Variants in ZC3H4 observed in about 807,000 individuals in gnomAD.
ZC3H4 encodes zinc finger CCCH domain-containing protein 4.
Under a neutral mutation model 108.3 loss-of-function variants are expected in ZC3H4, and 13 were observed. The observed-to-expected ratio is 0.12, with a 90% CI of 0.08 to 0.19. The LOEUF is 0.19. ZC3H4 is among the 10% of genes least tolerant of loss of function. The probability of loss-of-function intolerance (pLI) is 1.00; values close to 1 mark genes in which losing one functional copy is unlikely to be tolerated. For synonymous variants in ZC3H4, 917 were observed against 749.6 expected (o/e 1.22, Z -3.65); for missense variants, 1,734 against 1,838.8 (o/e 0.94, Z 1.04).
chr19:47,093,551 C>T (rs2057772811), intron 4 of ZC3H4, among the ~76,000 whole-genome samples: 1 of 152,108 alleles, frequency 6.6e-6, no homozygotes, highest in South Asian at 2.1e-4. Flanking sequence ...GGTTCAAATC[C>T]CAGCTCCTTT....
At chr19:47,112,834 CGA>C (rs2058058221) in intron 1 of ZC3H4, among the ~76,000 whole-genome samples, 1 of 150,410 alleles carries the variant, frequency 6.6e-6, no homozygotes, top group South Asian at 2.1e-4. Flanking sequence ...CTCATAGGGG[CGA>C]GAGCCCCCCC....
intron 4 of ZC3H4, among the ~76,000 whole-genome samples, chr19:47,091,710 A>AC (rs780824654): frequency 2.1e-4 from 31 of 150,432 alleles, no homozygotes; most frequent in Admixed American, 4.7e-4. Flanking sequence ...ACATAGTGAA[A>AC]CCCCGTCTCT....
intron 2 of ZC3H4, among the ~76,000 whole-genome samples, chr19:47,107,378 T>C (rs978080914): frequency 6.6e-6 from 1 of 152,142 alleles, no homozygotes; most frequent in Non-Finnish European, 1.5e-5. Flanking sequence ...CCCTGAGAAG[T>C]GGGCATTTTA....
At chr19:47,075,595 CCCA>C (rs1463959626) in intron 11 of ZC3H4, among the ~76,000 whole-genome samples, 2 of 151,994 alleles carry the variant, frequency 1.3e-5, no homozygotes, top group South Asian at 2.1e-4. Flanking sequence ...CGGCCTGATC[CCCA>C]CGTGTGTGTG....
intron 2 of ZC3H4, among the ~76,000 whole-genome samples, chr19:47,098,035 C>T (rs934833313): frequency 2.0e-5 from 3 of 152,200 alleles, no homozygotes; most frequent in Non-Finnish European, 2.9e-5. Flanking sequence ...CCGTACCTCC[C>T]GGACAAAGCT....
At chr19:47,081,771 G>C (rs1035077652) in intron 10 of ZC3H4, 149 bp from the exon 11 acceptor site, 4 of 702,404 alleles carry the variant, frequency 5.7e-6, no homozygotes, top group Admixed American at 4.9e-5. Flanking sequence ...CTGCTCAGTG[G>C]GTTGGCAGGA....
chr19:47,094,297 C>T (rs2057786125), intron 3 of ZC3H4, 92 bp downstream of exon 3: 11 of 1,393,218 alleles, frequency 7.9e-6, no homozygotes, highest in Admixed American at 1.8e-5. Flanking sequence ...ATTAAGAGTG[C>T]CCTCTGGGGT....
In ZC3H4 at chr19:47,086,246, T is replaced by G. The variant is rs2057619466; in HGVS notation, c.870+138A>C. 3 of 946,766 alleles carry G rather than the reference T, an allele frequency of 3.2e-6. No homozygotes were observed. The Admixed American group carries it at 7.2e-5, about 23-fold the overall frequency. 58.6% of individuals were successfully genotyped at this position (946,766 alleles called of 1,614,324 possible). On this transcript the variant is annotated intron_variant, in intron 6 of 14. Coordinates refer to ENST00000253048, the MANE Select transcript of ZC3H4 (RefSeq NM_015168.2). Reference sequence around the variant, plus strand: ...ATGAATATTTTTAAACACATACATCTGCGCTCTGAGGCTTCCCTTCCTTCA... The same window carrying G: ...ATGAATATTTTTAAACACATACATCGGCGCTCTGAGGCTTCCCTTCCTTCA...
At chr19:47,095,192 C>T (rs1600090875) in intron 2 of ZC3H4, among the ~76,000 whole-genome samples, 1 of 152,184 alleles carries the variant, frequency 6.6e-6, no homozygotes, top group African/African-American at 2.4e-5. Flanking sequence ...GGCTGTGCAC[C>T]GTGGAGAGGG....
At chr19:47,111,802 G>A (rs1412178702) in intron 2 of ZC3H4, among the ~76,000 whole-genome samples, 1 of 151,798 alleles carries the variant, frequency 6.6e-6, no homozygotes, top group Middle Eastern at 3.2e-3. Flanking sequence ...GGATGGAGAA[G>A]GGACCTGAAT....
At chr19:47,076,076 G>A (rs1337263151) in intron 11 of ZC3H4, among the ~76,000 whole-genome samples, 3 of 152,228 alleles carry the variant, frequency 2.0e-5, no homozygotes, top group African/African-American at 7.2e-5. Context: ...GAGGCATGTG[G>A]GCTGAGCCCC....
At chr19:47,103,467 C>T (rs561460510) in intron 2 of ZC3H4, among the ~76,000 whole-genome samples, 1 of 152,078 alleles carries the variant, frequency 6.6e-6, no homozygotes. Flanking sequence ...CCATGCCCAG[C>T]TAATTTTTGT....
At chr19:47,093,142 G>A (rs1318584159) in intron 4 of ZC3H4, among the ~76,000 whole-genome samples, 3 of 148,700 alleles carry the variant, frequency 2.0e-5, no homozygotes, top group Non-Finnish European at 4.4e-5. Flanking sequence ...TGCGACCCCA[G>A]GAGACAGAGC....
chr19:47,109,730 G>T (rs1308354389), intron 2 of ZC3H4, among the ~76,000 whole-genome samples: 1 of 152,126 alleles, frequency 6.6e-6, no homozygotes, highest in Non-Finnish European at 1.5e-5. Context: ...ACATGTGCGT[G>T]ACCTTTTTTC....
intron 2 of ZC3H4, among the ~76,000 whole-genome samples, chr19:47,096,103 G>T (rs1483802977): frequency 6.6e-6 from 1 of 152,122 alleles, no homozygotes; most frequent in Admixed American, 6.5e-5. Context: ...AAACATCAAG[G>T]AGCGCCTCAA....
rs779108990 is a variant in ZC3H4 at position 47,085,206 on chromosome 19, G to T, written c.968-11C>A. On this transcript the variant is annotated splice_polypyrimidine_tract_variant and intron_variant, in intron 7 of 14. Coordinates refer to ENST00000253048, the MANE Select transcript of ZC3H4 (RefSeq NM_015168.2). ...GGCCTCGACTTAGCCCTGTGGAGGG[G>T]AGATTGTGTGAAGACCTGCTGACCA... 6.3e-7 allele frequency: 1 copy of T among 1,595,336 alleles called. No homozygotes were observed. Among genetic ancestry groups the T allele is most frequent in the Non-Finnish European group, 8.6e-7 (1 of 1,167,104 alleles).
At chr19:47,069,741 C>T (rs1023769001) in intron 13 of ZC3H4, among the ~76,000 whole-genome samples, 1 of 152,178 alleles carries the variant, frequency 6.6e-6, no homozygotes, top group African/African-American at 2.4e-5. Context: ...AGGAGTTGCA[C>T]GGTTTCTTTC....
rs2057538260 is a variant in ZC3H4 at position 47,082,292 on chromosome 19, C to T, written c.1222G>A (p.Asp408Asn). 4 of 1,611,312 alleles carry T rather than the reference C, an allele frequency of 2.5e-6. No homozygotes were observed. The highest frequency in any genetic ancestry group is 3.4e-6 in the Non-Finnish European group (4 of 1,177,414). Residue 408 changes from aspartate to asparagine, a missense_variant, in exon 10 of 15, where the codon GAC (aspartate) becomes AAC (asparagine). Asp to Asn is a conservative substitution (Grantham distance 23). Transcript: ENST00000253048. Reference sequence around the variant, plus strand: ...ATGTCATGGCTAAAATTACAGTGGTCTCCCTAGAAGAGAAGCAACAAAAAC... The same window carrying T: ...ATGTCATGGCTAAAATTACAGTGGTTTCCCTAGAAGAGAAGCAACAAAAAC... ...YFVEGRCTWG[D>N]HCNFSHDIEL... is the part of the protein sequence containing the mutation.
intron 2 of ZC3H4, among the ~76,000 whole-genome samples, chr19:47,098,633 G>A (rs1324642454): frequency 6.6e-6 from 1 of 152,072 alleles, no homozygotes; most frequent in Non-Finnish European, 1.5e-5. Context: ...GTGAAGTGGT[G>A]GGTGCCTGTA....
Sources: gnomAD v4.1 joint callset for allele counts (sites outside exome capture counted in the v4.1 genomes callset) on GRCh38, gnomAD v4.1.1 for gene constraint, MANE v1.5 for transcripts, NCBI Gene and HGNC (gene_info 2026-07-23, HGNC 2026-07-21) for gene names.